The following EFCAB5 variants were observed in gnomAD, a reference collection of about 807,000 sequenced individuals.
EFCAB5 encodes EF-hand calcium binding domain 5.
In EFCAB5, 131 loss-of-function variants were observed where a neutral mutation model predicts 167.9. That is an observed-to-expected ratio of 0.78 (90% confidence interval 0.68 to 0.90). The LOEUF (loss-of-function observed/expected upper bound fraction) is 0.90, where lower values mean the gene tolerates loss of function less well. Ranked by LOEUF, EFCAB5 falls within the 40% of genes least tolerant of loss-of-function variation. EFCAB5 has a pLI of 0.00. For missense variants in EFCAB5, 1,663 were observed against 1,745.2 expected (o/e 0.95, Z 0.84); for synonymous variants, 574 against 602.8 (o/e 0.95, Z 0.70).
upstream of EFCAB5, among the ~76,000 whole-genome samples, chr17:29,936,840 C>T (rs930508677): frequency 6.6e-6 from 1 of 152,198 alleles, no homozygotes; most frequent in Non-Finnish European, 1.5e-5. Context: ...TGCTCAATAT[C>T]TCTGTAGACT....
intron 4 of EFCAB5, among the ~76,000 whole-genome samples, chr17:29,986,563 A>G (rs1421319827): frequency 7.7e-6 from 1 of 130,628 alleles, no homozygotes; most frequent in Non-Finnish European, 1.6e-5. Context: ...TACATTCATT[A>G]TTTCTGGCCA....
chr17:30,078,541 T>TC (rs1555571212), intron 15 of EFCAB5, 37 bp downstream of exon 15: 2 of 1,506,762 alleles, frequency 1.3e-6, no homozygotes, highest in Non-Finnish European at 8.9e-7. Context: ...AGGAAACATT[T>TC]CCTCAAAGTA....
chr17:29,958,355 C>T (rs1034312224), intron 3 of EFCAB5, among the ~76,000 whole-genome samples: 7 of 152,078 alleles, frequency 4.6e-5, no homozygotes, highest in Non-Finnish European at 8.8e-5. Flanking sequence ...TCTCCTCTGA[C>T]TGTGTATTTT....
intron 14 of EFCAB5, chr17:30,068,898 C>T: frequency 6.5e-7 from 1 of 1,536,680 alleles, no homozygotes; most frequent in Non-Finnish European, 9.0e-7. Context: ...GGATGACAGA[C>T]ACAGAACGAG....
rs575099397 is a variant in EFCAB5, at chr17:29,958,776, T to C, written c.191-10015T>C. ...TGTACCCATCCTTCTTGGGAATGCT[T>C]TCTAAGTATTCAAAGGGAATTGAGT... On this transcript the variant is annotated intron_variant, in intron 3 of 22. Coordinates refer to ENST00000394835, the MANE Select transcript of EFCAB5 (RefSeq NM_198529.4). Among the ~76,000 whole-genome samples the C allele has an allele frequency of 3.3e-4, 51 of 152,266 alleles. No individual in the cohort carries two copies. The South Asian group carries it at 0.01, about 31-fold the overall frequency.
intron 22 of EFCAB5, among the ~76,000 whole-genome samples, chr17:30,097,554 T>G (rs1037112520): frequency 3.9e-5 from 6 of 152,244 alleles, no homozygotes; most frequent in African/African-American, 9.6e-5. Flanking sequence ...TCATCAATTT[T>G]AAACCTTATC....
intron 4 of EFCAB5, among the ~76,000 whole-genome samples, chr17:29,989,901 T>A (rs1256780216): frequency 2.0e-5 from 3 of 152,200 alleles, no homozygotes; most frequent in Non-Finnish European, 4.4e-5. Flanking sequence ...GGCGGGAACT[T>A]TGTCTTTCTG....
At chr17:30,068,630 G>C in intron 14 of EFCAB5, 1 of 1,507,066 alleles carries the variant, frequency 6.6e-7, no homozygotes, top group South Asian at 1.3e-5. Flanking sequence ...CGGGTCGCTA[G>C]GGCGGTGGAC....
At chr17:30,058,791 C>T (rs1211090158) in intron 13 of EFCAB5, among the ~76,000 whole-genome samples, 2 of 151,902 alleles carry the variant, frequency 1.3e-5, no homozygotes, top group Non-Finnish European at 2.9e-5. Context: ...ATCTCTTGGG[C>T]TCAGGAATTT....
At chr17:30,071,690 C>T (rs2070741056) in intron 14 of EFCAB5, among the ~76,000 whole-genome samples, 1 of 152,124 alleles carries the variant, frequency 6.6e-6, no homozygotes, top group Non-Finnish European at 1.5e-5. Flanking sequence ...GAGATTTCTA[C>T]ATTCCCATGT....
At chr17:29,943,089 A>G (rs2067327078) in intron 2 of EFCAB5, among the ~76,000 whole-genome samples, 2 of 151,894 alleles carry the variant, frequency 1.3e-5, no homozygotes, top group Admixed American at 6.6e-5. Flanking sequence ...GTACATTAGC[A>G]TGTATACAAA....
intron 3 of EFCAB5, among the ~76,000 whole-genome samples, chr17:29,951,706 T>C (rs2151537529): frequency 6.6e-6 from 1 of 152,058 alleles, no homozygotes; most frequent in South Asian, 2.1e-4. Context: ...TTTTTTCAAA[T>C]GAAAATTTCC....
chr17:29,974,481 TG>T (rs1406948949), intron 4 of EFCAB5, among the ~76,000 whole-genome samples: 1 of 151,272 alleles, frequency 6.6e-6, no homozygotes, highest in East Asian at 1.9e-4. Flanking sequence ...AGATCAAGAC[TG>T]CAGTGAGCTG....
chr17:30,050,131 CT>C (rs895881761), intron 8 of EFCAB5, among the ~76,000 whole-genome samples: 2 of 150,630 alleles, frequency 1.3e-5, no homozygotes, highest in Admixed American at 6.6e-5. Flanking sequence ...GTATCAGGTA[CT>C]TTTTTTTCTT....
upstream of EFCAB5, among the ~76,000 whole-genome samples, chr17:29,938,414 G>A (rs1157163645): frequency 6.6e-6 from 1 of 152,206 alleles, no homozygotes; most frequent in Non-Finnish European, 1.5e-5. Context: ...TCAGAGTAGT[G>A]GTTGCTGAAG....
chr17:30,041,288 C>T (rs1003150182), intron 8 of EFCAB5, among the ~76,000 whole-genome samples: 4 of 152,010 alleles, frequency 2.6e-5, no homozygotes, highest in African/African-American at 9.7e-5. Context: ...GGGAGGAGGT[C>T]AAAATATCAA....
intron 16 of EFCAB5, 39 bp from the exon 17 acceptor site, chr17:30,080,714 C>T: frequency 7.0e-7 from 1 of 1,428,084 alleles, no homozygotes; most frequent in Non-Finnish European, 9.6e-7. Context: ...TAAATCTCTC[C>T]CTGTGCCTTT....
chr17:29,981,380 A>G (rs1205730343), intron 4 of EFCAB5, among the ~76,000 whole-genome samples: 4 of 152,108 alleles, frequency 2.6e-5, no homozygotes, highest in Admixed American at 6.6e-5. Flanking sequence ...CACATATGCC[A>G]TTCCCTCTGC....
intron 3 of EFCAB5, among the ~76,000 whole-genome samples, chr17:29,968,023 C>G (rs548003968): frequency 2.0e-5 from 3 of 151,666 alleles, no homozygotes; most frequent in Non-Finnish European, 4.4e-5. Context: ...CACAGGTGTA[C>G]GCCACCATGC....
Sources: allele counts gnomAD v4.1 joint callset (sites outside exome capture counted in the v4.1 genomes callset), GRCh38; gene constraint gnomAD v4.1.1; transcripts MANE v1.5; gene names NCBI Gene and HGNC (gene_info 2026-07-23, HGNC 2026-07-21).